The following NIF3L1 variants were observed in gnomAD, a reference collection of about 807,000 sequenced individuals.
NIF3L1 encodes the protein NGG1 interacting factor 3 like 1.
NIF3L1 carries 26 observed loss-of-function variants against 35.0 expected under a neutral mutation model. The observed-to-expected ratio is 0.74, with a 90% confidence interval of 0.54 to 1.03. The LOEUF (loss-of-function observed/expected upper bound fraction) is 1.03, where lower values mean the gene tolerates loss of function less well. Among genes scored for constraint, NIF3L1 ranks in the 50% least tolerant of loss-of-function variants. The pLI is 0.00. For synonymous variants in NIF3L1, 157 were observed against 178.9 expected, an observed-to-expected ratio of 0.88 and a Z score of 0.98; for missense variants, 449 against 466.3, an observed-to-expected ratio of 0.96 and a Z score of 0.34.
chr2:200,897,695 A>G (rs376182041), intron 5 of NIF3L1, among the ~76,000 whole-genome samples: 7 of 152,088 alleles, frequency 4.6e-5, no homozygotes, highest in African/African-American at 1.7e-4. Flanking sequence ...GACTGGTAAT[A>G]TTTTCTAGTG....
rs777077429 is a variant in NIF3L1, at chr2:200,903,574, C to T, written c.1030C>T (p.Arg344Ter). 9.3e-6 allele frequency: 15 copies of T among 1,613,788 alleles called. No individual in the cohort carries two copies. The highest frequency in any genetic ancestry group is 4.5e-5 in the East Asian group (2 of 44,874). Residue 344 changes from arginine to a stop codon, truncating the protein, a stop_gained, in exon 7 of 7, where the codon CGA becomes TGA. Coordinates refer to ENST00000409020, the MANE Select transcript of NIF3L1 (RefSeq NM_001369441.2). LOFTEE classifies it high-confidence loss of function. ...CCTCTGTGAACACAGCAACACTGAA[C>T]GAGGCTTTCTTTCTGACCTTCGAGA... ...VILCEHSNTE[R>*]GFLSDLRDML...
At position 200,893,211 on chromosome 2, in the gene NIF3L1, C is replaced by G. The variant is rs116082075; in HGVS notation, c.437-35C>G. On this transcript the variant is annotated intron_variant, in intron 2 of 6. Coordinates refer to ENST00000409020, the MANE Select transcript of NIF3L1 (RefSeq NM_001369441.2). ...CTTTTAAATCTTAATCTCTCACCCC[C>G]CAAAACTCCCATTTTCCCACAATAT... 2,252 of 1,456,350 alleles carry G rather than the reference C, an allele frequency of 1.5e-3. 27 individuals are homozygous for G. In the African/African-American group the frequency reaches 0.027, roughly 17 times the overall value. The allele number at this position is 1,456,350 out of a possible 1,614,324, so 90.2% of individuals were successfully genotyped here.
chr2:200,901,763 C>T (rs2040412989), intron 6 of NIF3L1, among the ~76,000 whole-genome samples: 1 of 152,190 alleles, frequency 6.6e-6, no homozygotes, highest in Admixed American at 6.5e-5. Context: ...CCCAAGCTGC[C>T]ATCCTGGGCC....
Position 200,903,609 on chromosome 2 carries a change from T to C in NIF3L1, c.1065T>C (p.Asp355=). 6.2e-7 allele frequency: 1 copy of C among 1,613,956 alleles called. No homozygotes were observed. The change falls in exon 7 of 7, where the codon GAT becomes GAC. Residue 355 remains aspartate (D), a synonymous_variant. Coordinates refer to ENST00000409020, the MANE Select transcript of NIF3L1 (RefSeq NM_001369441.2). ...GFLSDLRDML[D]SHLENKINII... ...TTTCTGACCTTCGAGATATGCTGGA[T>C]TCTCACTTGGAGAATAAGATAAATA...
At chr2:200,894,707 CTTCT>C (rs1424619445) in intron 3 of NIF3L1, among the ~76,000 whole-genome samples, 1 of 148,308 alleles carries the variant, frequency 6.7e-6, no homozygotes, top group East Asian at 2.0e-4. Context: ...TGTGCCTGGC[CTTCT>C]TTTTTTTTTT....
chr2:200,896,024 T>C (rs1198711772), intron 4 of NIF3L1, among the ~76,000 whole-genome samples: 2 of 152,088 alleles, frequency 1.3e-5, no homozygotes, highest in Non-Finnish European at 2.9e-5. Context: ...TTATCTACTT[T>C]AGTTTCCAAG....
At chr2:200,902,909 T>A (rs2040431708) in intron 6 of NIF3L1, among the ~76,000 whole-genome samples, 1 of 152,146 alleles carries the variant, frequency 6.6e-6, no homozygotes, top group South Asian at 2.1e-4. Context: ...TTTGAATGGG[T>A]GTTTACAGAT....
Position 200,895,254 on chromosome 2 carries a change from TC to T in NIF3L1, c.600-4del, listed in dbSNP as rs752911678. 2.8e-5 allele frequency: 45 copies of T among 1,611,068 alleles called. No individual in the cohort carries two copies. The highest frequency in any genetic ancestry group is 2.4e-4 in the African/African-American group (18 of 74,964). On this transcript the variant is annotated splice_polypyrimidine_tract_variant and intron_variant, in intron 3 of 6. Coordinates refer to ENST00000409020, the MANE Select transcript of NIF3L1 (RefSeq NM_001369441.2). ...TATTTGTCCTAAATGGAGTGATTTTTCCCCCCTAGGACTGGTAATGAGGAAC... is the reference window on the plus strand; with the variant it reads ...TATTTGTCCTAAATGGAGTGATTTTTCCCCCTAGGACTGGTAATGAGGAAC...
intron 6 of NIF3L1, 131 bp downstream of exon 6, chr2:200,899,599 A>G (rs897884446): frequency 3.3e-6 from 2 of 614,144 alleles, no homozygotes; most frequent in Admixed American, 5.6e-5. Flanking sequence ...AGAAACTACA[A>G]CAGAACTGGG....
In NIF3L1 at chr2:200,892,017, G is replaced by C. The variant is rs79840632; in HGVS notation, c.74G>C (p.Arg25Pro). The C allele has an allele frequency of 6.2e-7, 1 of 1,614,092 alleles. No homozygotes were observed. Among genetic ancestry groups the C allele is most frequent in the Non-Finnish European group, 8.5e-7 (1 of 1,179,992 alleles). ...FVDSLICNSSRSFMDLKALLS... is the reference protein window; with the variant it reads ...FVDSLICNSSPSFMDLKALLS... ...GATTCCCTGATCTGCAATTCTTCCC[G>C]TTCCTTCATGGATTTGAAGGCTCTC... The change falls in exon 2 of 7, where the codon CGT (arginine) becomes CCT (proline). Residue 25 changes from arginine (R) to proline (P), a missense_variant. By Grantham distance (103) the Arg-to-Pro change is moderately radical. Transcript: ENST00000409020.
At position 200,892,484 on chromosome 2, in the gene NIF3L1, A is replaced by C. The variant is rs549826214; in HGVS notation, c.436+105A>C. On this transcript the variant is annotated intron_variant, in intron 2 of 6. Transcript: ENST00000409020. The stretch of plus-strand genomic sequence containing the variant: ...CTGCTTTAGGGTTGGGGAGGGCATG[A>C]TTCCATTTTTATATAATAATTTTAA... 36 of 778,732 alleles carry C rather than the reference A, an allele frequency of 4.6e-5. No homozygotes were observed. In the African/African-American group the frequency reaches 6.1e-4, roughly 13 times the overall value. 48.2% of individuals were successfully genotyped at this position (778,732 alleles called of 1,614,324 possible). A position where few individuals can be genotyped will look rare whatever the true frequency, so the allele number is the denominator to read the frequency against.
At chr2:200,896,165 C>T (rs76154817) in intron 4 of NIF3L1, among the ~76,000 whole-genome samples, 4,425 of 152,170 alleles carry the variant, frequency 0.029, 223 homozygotes, top group African/African-American at 0.1. Flanking sequence ...GTAGTCTCAC[C>T]GAGCACCTAG....
intron 4 of NIF3L1, among the ~76,000 whole-genome samples, chr2:200,895,790 A>C (rs2040298478): frequency 6.6e-6 from 1 of 152,038 alleles, no homozygotes; most frequent in African/African-American, 2.4e-5. Flanking sequence ...CATGTCATTC[A>C]CTTCTTTAAC....
rs1315985437 is a variant in NIF3L1 at position 200,895,357 on chromosome 2, T to A, written c.693T>A (p.Leu231=). 2 of 1,614,076 alleles carry A rather than the reference T, an allele frequency of 1.2e-6. No homozygotes were observed. The highest frequency in any genetic ancestry group is 1.7e-6 in the Non-Finnish European group (2 of 1,179,964). ...ATTTTCTTTCCCGGAACAAACAACT[T>A]TATCAGAAGACGGAAATTCTGTCAC... The part of the protein sequence containing the change: ...VVDFLSRNKQ[L]YQKTEILSLE... The change falls in exon 4 of 7, where the codon CTT becomes CTA. Residue 231 remains leucine, a synonymous_variant. Transcript: ENST00000409020.
chr2:200,901,941 T>C (rs544625090), intron 6 of NIF3L1, among the ~76,000 whole-genome samples: 47 of 152,336 alleles, frequency 3.1e-4, no homozygotes, highest in Non-Finnish European at 5.3e-4. Context: ...TCTTGCTTTT[T>C]ACTTCTACTA....
chr2:200,899,091 C>T (rs1298660366), intron 5 of NIF3L1: 1 of 286,960 alleles, frequency 3.5e-6, no homozygotes, highest in East Asian at 7.2e-5. Flanking sequence ...GCAAAGATTA[C>T]ACGCAAATTT....
At chr2:200,896,192 T>A (rs1003783693) in intron 4 of NIF3L1, among the ~76,000 whole-genome samples, 1 of 152,138 alleles carries the variant, frequency 6.6e-6, no homozygotes, top group South Asian at 2.1e-4. Context: ...GTCCAGGCTC[T>A]TTAGCATGGT....
chr2:200,891,230 C>A (rs1436477287), intron 1 of NIF3L1, among the ~76,000 whole-genome samples: 2 of 152,238 alleles, frequency 1.3e-5, no homozygotes, highest in Non-Finnish European at 2.9e-5. Context: ...GCTGGGATTA[C>A]AGGCGCCCCG....
In NIF3L1 at chr2:200,895,264, G is replaced by A. The variant is rs370042489; in HGVS notation, c.600G>A (p.Arg200=). 1.2e-6 allele frequency: 2 copies of A among 1,613,642 alleles called. No homozygotes were observed. The highest frequency in any genetic ancestry group is 2.7e-5 in the African/African-American group (2 of 74,882). The change falls in exon 4 of 7, where the codon AGG becomes AGA. Residue 200 remains arginine, a splice_region_variant and synonymous_variant. Coordinates refer to ENST00000409020, the MANE Select transcript of NIF3L1 (RefSeq NM_001369441.2). ...DGVSVTSFSA[R]TGNEEQTRIN... ...AAATGGAGTGATTTTTCCCCCCTAG[G>A]ACTGGTAATGAGGAACAAACACGGA... is the stretch of plus-strand genomic sequence containing the variant.
Sources: allele counts gnomAD v4.1 joint callset (sites outside exome capture counted in the v4.1 genomes callset), GRCh38; gene constraint gnomAD v4.1.1; transcripts MANE v1.5; gene names NCBI Gene and HGNC (gene_info 2026-07-23, HGNC 2026-07-21).